Variants in TECR observed in about 807,000 individuals in gnomAD.
The protein encoded by TECR is very-long-chain enoyl-CoA reductase.
TECR carries 19 observed loss-of-function variants against 50.6 expected under a neutral mutation model. The ratio of observed to expected loss-of-function variants is 0.38; its 90% CI spans 0.26 to 0.55. TECR has a LOEUF of 0.55. Ranked by LOEUF, TECR falls within the 20% of genes least tolerant of loss-of-function variation. The probability of loss-of-function intolerance (pLI) is 0.79; values close to 1 mark genes in which losing one functional copy is unlikely to be tolerated. For missense variants in TECR, 313 were observed against 408.3 expected, an observed-to-expected ratio of 0.77 and a Z score of 2.01; for synonymous variants, 168 against 163.5, an observed-to-expected ratio of 1.03 and a Z score of -0.21.
rs79129678 is a variant in TECR at position 14,558,155 on chromosome 19, A to G, written c.16-4370A>G. ...GCCCACTTTGCCATGAGTAGATGGA[A>G]GTTCAGAGAGGTTGGGTAACTTGCC... On this transcript the variant is annotated intron_variant, in intron 1 of 12. Transcript: ENST00000215567. Among the ~76,000 whole-genome samples the G allele has an allele frequency of 2.8e-3, 428 of 152,262 alleles. 4 individuals are homozygous for G. Among genetic ancestry groups the G allele is most frequent in the African/African-American group, 9.9e-3 (411 of 41,546 alleles).
upstream of TECR, chr19:14,529,088 C>T (rs796404297): frequency 1.9e-5 from 3 of 156,970 alleles, no homozygotes; most frequent in African/African-American, 7.2e-5. Context: ...TTTCGCCTTT[C>T]CTTCCCTCCC....
At chr19:14,531,285 C>G (rs1323085918) in intron 1 of TECR, 2 of 152,070 alleles carry the variant, frequency 1.3e-5, no homozygotes, top group Non-Finnish European at 2.9e-5. Flanking sequence ...GATTTGCCCT[C>G]CTCGGCCTCC....
intron 1 of TECR, among the ~76,000 whole-genome samples, chr19:14,546,906 T>C (rs749316826): frequency 4.9e-4 from 74 of 152,120 alleles, no homozygotes; most frequent in Non-Finnish European, 8.7e-4. Context: ...GCCAGGCTGG[T>C]CTCAAACTCC....
chr19:14,540,004 T>C (rs1443334448), intron 1 of TECR, among the ~76,000 whole-genome samples: 1 of 147,610 alleles, frequency 6.8e-6, no homozygotes, highest in Admixed American at 6.7e-5. Flanking sequence ...CTCAGCCTCC[T>C]GAGTAGCTGG....
chr19:14,565,674 C>A lies in TECR; in HGVS notation c.799+11C>A, dbSNP rs368695024. On this transcript the variant is annotated intron_variant, in intron 12 of 12. Coordinates refer to ENST00000215567, the MANE Select transcript of TECR (RefSeq NM_138501.6). ...CGCAGTGTCTCCCAGGTGAGCCTGCCGCCCTCCCTCGGCGGGGCCCTGCCC... is the reference window on the plus strand; with the variant it reads ...CGCAGTGTCTCCCAGGTGAGCCTGCAGCCCTCCCTCGGCGGGGCCCTGCCC... 1.1e-5 allele frequency: 18 copies of A among 1,612,054 alleles called. No individual in the cohort carries two copies. Among genetic ancestry groups the A allele is most frequent in the Non-Finnish European group, 1.5e-5 (18 of 1,179,690 alleles).
intron 1 of TECR, among the ~76,000 whole-genome samples, chr19:14,539,181 AGACG>A: frequency 6.5e-5 from 8 of 123,058 alleles, no homozygotes; most frequent in African/African-American, 2.2e-4. Flanking sequence ...TTTTTAGTAG[AGACG>A]AAGTTTTACC....
At chr19:14,554,634 GCAGGCT>G (rs2073654418) in intron 1 of TECR, among the ~76,000 whole-genome samples, 1 of 152,140 alleles carries the variant, frequency 6.6e-6, no homozygotes, top group South Asian at 2.1e-4. Flanking sequence ...AGCAGGAATT[GCAGGCT>G]CAGCTCTTCC....
At chr19:14,558,262 G>A (rs530815827) in intron 1 of TECR, among the ~76,000 whole-genome samples, 10 of 152,268 alleles carry the variant, frequency 6.6e-5, no homozygotes, top group Admixed American at 6.5e-5. Flanking sequence ...CAGGAGCTGT[G>A]ACAAGTGCTT....
At chr19:14,530,017 A>G (rs376165557) in intron 1 of TECR, 8 of 512,788 alleles carry the variant, frequency 1.6e-5, no homozygotes, top group East Asian at 6.9e-5. Context: ...AGACTTTGTC[A>G]TGGGAGCCAC....
intron 1 of TECR, among the ~76,000 whole-genome samples, chr19:14,559,011 A>G (rs1339062576): frequency 6.6e-6 from 1 of 151,952 alleles, no homozygotes; most frequent in Non-Finnish European, 1.5e-5. Context: ...CACAGAGCAG[A>G]GATTGGGGTG....
intron 1 of TECR, among the ~76,000 whole-genome samples, chr19:14,550,168 T>C (rs1475573324): frequency 2.0e-5 from 3 of 152,072 alleles, no homozygotes; most frequent in Non-Finnish European, 4.4e-5. Context: ...TAACAGGGCC[T>C]GGCATGTGTC....
intron 1 of TECR, among the ~76,000 whole-genome samples, chr19:14,538,452 G>A (rs2420532): frequency 0.02 from 2,979 of 152,224 alleles, 82 homozygotes; most frequent in African/African-American, 0.064. Context: ...CGTTAGGCAG[G>A]TAAGGACAGA....
At chr19:14,545,130 C>A in intron 1 of TECR, 1 of 456,722 alleles carries the variant, frequency 2.2e-6, no homozygotes, top group Non-Finnish European at 4.4e-6. Context: ...GATGATTCTT[C>A]AAGAAACCAA....
chr19:14,548,503 T>C (rs2073379390), intron 1 of TECR, among the ~76,000 whole-genome samples: 1 of 152,180 alleles, frequency 6.6e-6, no homozygotes, highest in African/African-American at 2.4e-5. Flanking sequence ...AAGCCAGGGG[T>C]TGGCAAACTT....
chr19:14,564,074 G>C lies in TECR; in HGVS notation c.360G>C (p.Thr120=). 1.2e-6 allele frequency: 2 copies of C among 1,612,978 alleles called. No individual in the cohort carries two copies. The highest frequency in any genetic ancestry group is 1.7e-6 in the Non-Finnish European group (2 of 1,179,918). The change falls in exon 6 of 13, where the codon ACG becomes ACC. Residue 120 remains threonine, a synonymous_variant. Transcript: ENST00000215567. The part of the protein sequence containing the change: ...PFIYGHKYDF[T]SSRHTVVHLA... ...TCTATGGCCACAAATATGACTTTACGTCCAGTCGGCATACAGTGGTGCAGT... is the reference window on the plus strand; with the variant it reads ...TCTATGGCCACAAATATGACTTTACCTCCAGTCGGCATACAGTGGTGCAGT...
intron 1 of TECR, among the ~76,000 whole-genome samples, chr19:14,537,363 A>C (rs1417692482): frequency 1.3e-5 from 2 of 151,872 alleles, no homozygotes; most frequent in Admixed American, 1.3e-4. Flanking sequence ...TGCCAGGTGG[A>C]GTAGCTGTTT....
chr19:14,562,238 G>A, intron 1 of TECR: 1 of 602,640 alleles, frequency 1.7e-6, no homozygotes, highest in East Asian at 2.7e-5. Context: ...GCCAGGGCCG[G>A]CACGGGCTCC....
intron 1 of TECR, chr19:14,533,898 A>AT (rs1395899123): frequency 6.6e-6 from 1 of 151,918 alleles, no homozygotes; most frequent in Admixed American, 6.6e-5. Flanking sequence ...TTTTTAATGT[A>AT]TTTTTTTATT....
chr19:14,543,462 G>C (rs1455254987), intron 1 of TECR, among the ~76,000 whole-genome samples: 1 of 63,132 alleles, frequency 1.6e-5, no homozygotes, highest in Non-Finnish European at 3.0e-5. Context: ...TTTTTGAGAC[G>C]GAGTCTCGCT....
Sources: allele counts gnomAD v4.1 joint callset (sites outside exome capture counted in the v4.1 genomes callset), GRCh38; gene constraint gnomAD v4.1.1; transcripts MANE v1.5; gene names NCBI Gene and HGNC (gene_info 2026-07-23, HGNC 2026-07-21).